Variants in CCDC85A observed in about 807,000 individuals in gnomAD.
CCDC85A encodes coiled-coil domain containing 85A.
In CCDC85A, 38 loss-of-function variants were observed where a neutral mutation model predicts 50.2. The observed-to-expected ratio is 0.76, with a 90% CI of 0.58 to 0.99. CCDC85A has a LOEUF of 0.99. Among genes scored for constraint, CCDC85A ranks in the 50% least tolerant of loss-of-function variants. The pLI is 0.00. For synonymous variants in CCDC85A, 366 were observed against 301.4 expected (o/e 1.21, Z -2.22); for missense variants, 820 against 742.0 (o/e 1.11, Z -1.22).
chr2:56,313,062 A>G (rs1377894721), intron 2 of CCDC85A, among the ~76,000 whole-genome samples: 2 of 152,160 alleles, frequency 1.3e-5, no homozygotes, highest in Admixed American at 6.6e-5. Flanking sequence ...GATGCATTAG[A>G]TGAACTTGTT....
In CCDC85A at chr2:56,193,230, C is replaced by G. The variant is rs1676381926; in HGVS notation, c.1030C>G (p.Leu344Val). Residue 344 changes from leucine (L) to valine (V), a missense_variant, in exon 2 of 6, where the codon CTT (leucine) becomes GTT (valine). By Grantham distance (32) the Leu-to-Val change is conservative. Coordinates refer to ENST00000407595, the MANE Select transcript of CCDC85A (RefSeq NM_001080433.2). ...CCCGGAGCATCTTCAGAAACACGCT[C>G]TTGGGGGGAGCCTAGAGCATCTCCC... ...GSPEHLQKHA[L>V]GGSLEHLPRA... 1 of 1,612,688 alleles carries G rather than the reference C, an allele frequency of 6.2e-7. No individual in the cohort carries two copies. The highest frequency in any genetic ancestry group is 1.7e-5 in the Admixed American group (1 of 59,930).
chr2:56,300,088 A>G (rs1008782397), intron 2 of CCDC85A, among the ~76,000 whole-genome samples: 2 of 152,174 alleles, frequency 1.3e-5, no homozygotes, highest in African/African-American at 4.8e-5. Flanking sequence ...GTACACATAG[A>G]TCTAGGCAAA....
chr2:56,342,637 C>T (rs1375872528), intron 2 of CCDC85A, among the ~76,000 whole-genome samples: 1 of 152,106 alleles, frequency 6.6e-6, no homozygotes, highest in Non-Finnish European at 1.5e-5. Flanking sequence ...TGTGTACTAC[C>T]ACCTGTAAAT....
chr2:56,374,865 T>C (rs1271169991), intron 4 of CCDC85A, among the ~76,000 whole-genome samples: 1 of 152,246 alleles, frequency 6.6e-6, no homozygotes, highest in Non-Finnish European at 1.5e-5. Flanking sequence ...ACACCTTCAG[T>C]GACTCCTCTT....
At chr2:56,213,898 AC>A (rs1454391593) in intron 2 of CCDC85A, among the ~76,000 whole-genome samples, 1 of 151,886 alleles carries the variant, frequency 6.6e-6, no homozygotes, top group Admixed American at 6.6e-5. Flanking sequence ...TGATAGGATA[AC>A]CCTGTATAGT....
At chr2:56,215,908 A>G (rs567140782) in intron 2 of CCDC85A, among the ~76,000 whole-genome samples, 3 of 152,052 alleles carry the variant, frequency 2.0e-5, no homozygotes, top group South Asian at 4.1e-4. Flanking sequence ...ATAATATTTT[A>G]TGACAAGAAA....
At chr2:56,246,020 G>A (rs535641633) in intron 2 of CCDC85A, among the ~76,000 whole-genome samples, 9 of 152,182 alleles carry the variant, frequency 5.9e-5, no homozygotes, top group Non-Finnish European at 1.2e-4. Context: ...CACCTCCTGG[G>A]TTCAAGTGAT....
intron 2 of CCDC85A, among the ~76,000 whole-genome samples, chr2:56,213,456 G>A (rs1386808636): frequency 2.0e-5 from 3 of 151,976 alleles, no homozygotes; most frequent in Non-Finnish European, 2.9e-5. Context: ...TTTACGAAGA[G>A]TTCAGATTTG....
At chr2:56,320,875 A>C (rs920696462) in intron 2 of CCDC85A, among the ~76,000 whole-genome samples, 1 of 152,100 alleles carries the variant, frequency 6.6e-6, no homozygotes, top group Non-Finnish European at 1.5e-5. Context: ...GATGAACATC[A>C]ATGCAAAAAT....
At chr2:56,374,103 GT>G (rs1676215507) in intron 4 of CCDC85A, among the ~76,000 whole-genome samples, 1 of 152,158 alleles carries the variant, frequency 6.6e-6, no homozygotes, top group South Asian at 2.1e-4. Context: ...AGGGGATTGG[GT>G]CTGTTCTAAT....
intron 3 of CCDC85A, among the ~76,000 whole-genome samples, chr2:56,346,914 T>C (rs1182288081): frequency 1.3e-5 from 2 of 152,250 alleles, no homozygotes; most frequent in Non-Finnish European, 2.9e-5. Flanking sequence ...TGTGATGTGA[T>C]GTGAACCTCA....
chr2:56,355,963 T>C (rs1573329078), intron 3 of CCDC85A, among the ~76,000 whole-genome samples: 1 of 152,236 alleles, frequency 6.6e-6, no homozygotes, highest in East Asian at 1.9e-4. Flanking sequence ...GAAGGGAGGC[T>C]TTTTAATAGC....
At chr2:56,351,995 T>G (rs533518549) in intron 3 of CCDC85A, among the ~76,000 whole-genome samples, 1 of 152,330 alleles carries the variant, frequency 6.6e-6, no homozygotes, top group East Asian at 1.9e-4. Flanking sequence ...GGTCTAAGGT[T>G]TAAGTCTTTA....
At chr2:56,344,910 A>G (rs1204997357) in intron 3 of CCDC85A, among the ~76,000 whole-genome samples, 1 of 148,290 alleles carries the variant, frequency 6.7e-6, no homozygotes, top group Middle Eastern at 3.4e-3. Flanking sequence ...GCAAACTAAT[A>G]GCATGTATGC....
chr2:56,326,483 C>A (rs78306768), intron 2 of CCDC85A, among the ~76,000 whole-genome samples: 4,110 of 152,084 alleles, frequency 0.027, 189 homozygotes, highest in African/African-American at 0.093. Flanking sequence ...ACTAGAAGGG[C>A]CCAAATGAAC....
chr2:56,324,438 A>G (rs950919297), intron 2 of CCDC85A, among the ~76,000 whole-genome samples: 7 of 134,202 alleles, frequency 5.2e-5, no homozygotes, highest in Non-Finnish European at 1.1e-4. Context: ...TTAATTATTA[A>G]TTAAAGAAAT....
At chr2:56,260,884 T>G (rs1218026602) in intron 2 of CCDC85A, among the ~76,000 whole-genome samples, 1 of 152,244 alleles carries the variant, frequency 6.6e-6, no homozygotes, top group Non-Finnish European at 1.5e-5. Context: ...TGAGGGAGTT[T>G]AACCTTTGAT....
chr2:56,189,297 G>GTTTTTTTTTTCTTTTTTTTTT (rs1676192815), intron 1 of CCDC85A, among the ~76,000 whole-genome samples: 1 of 121,972 alleles, frequency 8.2e-6, no homozygotes, highest in African/African-American at 3.4e-5. Flanking sequence ...TATTTTTGGT[G>GTTTTTTTTTTCTTTTTTTTTT]TTTTTTTTTT....
chr2:56,264,488 A>G (rs887355787), intron 2 of CCDC85A, among the ~76,000 whole-genome samples: 1 of 152,040 alleles, frequency 6.6e-6, no homozygotes, highest in African/African-American at 2.4e-5. Context: ...TTTCAGCTCT[A>G]TTTTCAAAAC....
Sources: gnomAD v4.1 joint callset for allele counts (sites outside exome capture counted in the v4.1 genomes callset) on GRCh38, gnomAD v4.1.1 for gene constraint, MANE v1.5 for transcripts, NCBI Gene and HGNC (gene_info 2026-07-23, HGNC 2026-07-21) for gene names.